CFAP54: variants seen among roughly 807,000 people sequenced by gnomAD.
CFAP54 encodes cilia and flagella associated protein 54.
Under a neutral mutation model 370.4 loss-of-function variants are expected in CFAP54, and 290 were observed. That is an observed-to-expected ratio of 0.78 (90% CI 0.71 to 0.86). The LOEUF (loss-of-function observed/expected upper bound fraction) is 0.86, where lower values mean the gene tolerates loss of function less well. Ranked by LOEUF, CFAP54 falls within the 40% of genes least tolerant of loss-of-function variation. CFAP54 has a pLI of 0.00. For synonymous variants in CFAP54, 1,206 were observed against 1,236.5 expected, an observed-to-expected ratio of 0.98 and a Z score of 0.52; for missense variants, 3,399 against 3,528.7, an observed-to-expected ratio of 0.96 and a Z score of 0.93.
chr12:96,585,305 C>T (rs1255973026), intron 22 of CFAP54, among the ~76,000 whole-genome samples: 1 of 152,068 alleles, frequency 6.6e-6, no homozygotes, highest in African/African-American at 2.4e-5. Context: ...GGATTACAGG[C>T]GTGTGCCACC....
intron 4 of CFAP54, among the ~76,000 whole-genome samples, chr12:96,510,933 A>G (rs1167173232): frequency 6.7e-6 from 1 of 149,766 alleles, no homozygotes; most frequent in East Asian, 2.0e-4. Context: ...ACTGTACTCC[A>G]GCCTGGGTGA....
chr12:96,688,891 A>T, intron 42 of CFAP54, 25 bp from the exon 43 acceptor site: 5 of 1,408,082 alleles, frequency 3.6e-6, no homozygotes, highest in Admixed American at 2.2e-5. Context: ...CTACTAATCA[A>T]TTTTTTTTTC....
At chr12:96,835,694 C>A (rs1447636622) in intron 66 of CFAP54, among the ~76,000 whole-genome samples, 1 of 152,154 alleles carries the variant, frequency 6.6e-6, no homozygotes, top group Non-Finnish European at 1.5e-5. Context: ...GCAGTTTGGG[C>A]AGCTGCAGGT....
intron 48 of CFAP54, among the ~76,000 whole-genome samples, chr12:96,713,320 G>A (rs933111023): frequency 6.6e-6 from 1 of 152,120 alleles, no homozygotes; most frequent in East Asian, 1.9e-4. Context: ...AAGGAAATAT[G>A]ATATATATAC....
chr12:96,565,353 C>A (rs556051072), intron 19 of CFAP54, among the ~76,000 whole-genome samples: 1 of 152,082 alleles, frequency 6.6e-6, no homozygotes, highest in Admixed American at 6.6e-5. Flanking sequence ...ACCACCTCAG[C>A]CTTCCAGTGG....
chr12:96,601,670 C>T (rs1335014284), intron 26 of CFAP54, among the ~76,000 whole-genome samples: 1 of 152,158 alleles, frequency 6.6e-6, no homozygotes, highest in African/African-American at 2.4e-5. Context: ...CAACTTCTTC[C>T]TTGTTTAGTC....
intron 19 of CFAP54, among the ~76,000 whole-genome samples, chr12:96,570,624 C>T (rs1461958495): frequency 1.3e-5 from 2 of 152,098 alleles, no homozygotes; most frequent in African/African-American, 4.8e-5. Flanking sequence ...TATTTATGCT[C>T]TCTTAAGATT....
At position 96,619,538 on chromosome 12, in the gene CFAP54, T is replaced by A. The variant is rs187295793; in HGVS notation, c.3640-2052T>A. ...TCTTCAATGTGTCATTACTTTTGCATGATTTAAAAATTGTTATGCTAAACA... is the reference window on the plus strand; with the variant it reads ...TCTTCAATGTGTCATTACTTTTGCAAGATTTAAAAATTGTTATGCTAAACA... On this transcript the variant is annotated intron_variant, in intron 26 of 67. Transcript: ENST00000524981. 2.3e-4 allele frequency among the ~76,000 whole-genome samples: 35 copies of A among 152,344 alleles called. No homozygotes were observed. In the East Asian group the frequency reaches 6.4e-3, roughly 28 times the overall value.
intron 48 of CFAP54, among the ~76,000 whole-genome samples, chr12:96,716,393 AGCATTTAGT>A (rs1243829102): frequency 6.6e-6 from 1 of 152,234 alleles, no homozygotes; most frequent in East Asian, 1.9e-4. Context: ...ATTTTGACAA[AGCATTTAGT>A]TCCAGAAAGC....
chr12:96,691,818 A>G (rs1957391471), intron 44 of CFAP54, among the ~76,000 whole-genome samples: 1 of 152,136 alleles, frequency 6.6e-6, no homozygotes, highest in Non-Finnish European at 1.5e-5. Context: ...ATCCAAGTAC[A>G]GCTCTCCTCT....
chr12:96,572,887 GT>G (rs201942338), intron 19 of CFAP54: 33 of 985,102 alleles, frequency 3.3e-5, no homozygotes, highest in South Asian at 4.7e-5. Flanking sequence ...AACACAGAAA[GT>G]TTTTTTTACC....
At position 96,811,770 on chromosome 12, in the gene CFAP54, T is replaced by C; in HGVS notation, c.8885T>C (p.Leu2962Pro). Residue 2962 changes from leucine to proline, a missense_variant, in exon 64 of 68, where the codon CTG becomes CCG. Coordinates refer to ENST00000524981, the MANE Select transcript of CFAP54 (RefSeq NM_001306084.2). ...LLLYAYNLKP[L>P]KISDVRHSTY... Reference sequence around the variant, plus strand: ...TTGTATGCATATAATTTGAAGCCTCTGAAGATTTCAGATGTTAGACATTCC... The same window carrying C: ...TTGTATGCATATAATTTGAAGCCTCCGAAGATTTCAGATGTTAGACATTCC... 1 of 1,523,764 alleles carries C rather than the reference T, an allele frequency of 6.6e-7. No individual in the cohort carries two copies. Among genetic ancestry groups the C allele is most frequent in the Non-Finnish European group, 8.8e-7 (1 of 1,141,150 alleles). 94.4% of individuals were successfully genotyped at this position (1,523,764 alleles called of 1,614,324 possible).
At position 96,738,452 on chromosome 12, in the gene CFAP54, G is replaced by A. The variant is rs151270160; in HGVS notation, c.6966-1504G>A. On this transcript the variant is annotated intron_variant, in intron 50 of 67. Coordinates refer to ENST00000524981, the MANE Select transcript of CFAP54 (RefSeq NM_001306084.2). ...GGCCACACTTGTTCTAATGGCTCTA[G>A]GGGAGAATCCTTCCTTGCCTCTTCC... is the stretch of plus-strand genomic sequence containing the variant. 8.2e-3 allele frequency among the ~76,000 whole-genome samples: 1,243 copies of A among 152,198 alleles called. 6 individuals carry two copies. The highest frequency in any genetic ancestry group is 0.014 in the Non-Finnish European group (928 of 68,014).
chr12:96,693,209 A>G (rs546563555), intron 44 of CFAP54, among the ~76,000 whole-genome samples: 17 of 152,352 alleles, frequency 1.1e-4, no homozygotes, highest in African/African-American at 4.1e-4. Flanking sequence ...CCTAACACAT[A>G]ATAGGCATGT....
At chr12:96,584,637 TG>T (rs1286052289) in intron 22 of CFAP54, among the ~76,000 whole-genome samples, 5 of 120,710 alleles carry the variant, frequency 4.1e-5, no homozygotes, top group Admixed American at 1.8e-4. Context: ...CTTTGAAATA[TG>T]TTTTTTTTTT....
At chr12:96,511,385 C>G (rs1262052025) in intron 4 of CFAP54, among the ~76,000 whole-genome samples, 2 of 152,224 alleles carry the variant, frequency 1.3e-5, no homozygotes, top group Admixed American at 1.3e-4. Flanking sequence ...ATGGCGCAAT[C>G]TTGGCTCACT....
intron 31 of CFAP54, 117 bp downstream of exon 31, chr12:96,630,321 G>A: frequency 5.1e-6 from 3 of 592,340 alleles, no homozygotes; most frequent in Middle Eastern, 9.2e-4. Flanking sequence ...ATACTAACAA[G>A]CATAATTTTA....
intron 36 of CFAP54, among the ~76,000 whole-genome samples, chr12:96,653,981 TAA>T (rs1956892019): frequency 6.6e-6 from 1 of 152,166 alleles, no homozygotes; most frequent in African/African-American, 2.4e-5. Context: ...TTTTTGTTAA[TAA>T]GTTTGATCAC....
chr12:96,539,753 TAA>T (rs1955550488), intron 13 of CFAP54, among the ~76,000 whole-genome samples: 1 of 151,996 alleles, frequency 6.6e-6, no homozygotes, highest in African/African-American at 2.4e-5. Context: ...AAAAGAAGAT[TAA>T]TAATAGAGAA....
Sources: allele counts gnomAD v4.1 joint callset (sites outside exome capture counted in the v4.1 genomes callset), GRCh38; gene constraint gnomAD v4.1.1; transcripts MANE v1.5; gene names NCBI Gene and HGNC (gene_info 2026-07-23, HGNC 2026-07-21).